PTPRD: variants seen among roughly 807,000 people sequenced by gnomAD.
PTPRD encodes the protein receptor-type tyrosine-protein phosphatase delta.
Under a neutral mutation model 214.5 loss-of-function variants are expected in PTPRD, and 34 were observed. The observed-to-expected ratio is 0.16, with a 90% CI of 0.12 to 0.21. PTPRD has a LOEUF of 0.21. Ranked by LOEUF, PTPRD falls within the 10% of genes least tolerant of loss-of-function variation. The pLI is 1.00. For synonymous variants in PTPRD, 1,128 were observed against 845.7 expected, an observed-to-expected ratio of 1.33 and a Z score of -5.79; for missense variants, 2,545 against 2,398.7, an observed-to-expected ratio of 1.06 and a Z score of -1.27.
intron 9 of PTPRD, among the ~76,000 whole-genome samples, chr9:9,337,893 T>G (rs2045211260): frequency 6.6e-6 from 1 of 152,228 alleles, no homozygotes; most frequent in Admixed American, 6.5e-5. Flanking sequence ...ACAGAGGTTG[T>G]TATGATGTAA....
intron 12 of PTPRD, among the ~76,000 whole-genome samples, chr9:8,654,034 G>A (rs573864475): frequency 1.3e-5 from 2 of 152,224 alleles, no homozygotes; most frequent in Non-Finnish European, 2.9e-5. Flanking sequence ...TTGTTGTAGA[G>A]CCTGTCCTGT....
At chr9:8,894,633 T>C (rs2098591050) in intron 11 of PTPRD, among the ~76,000 whole-genome samples, 1 of 152,182 alleles carries the variant, frequency 6.6e-6, no homozygotes, top group South Asian at 2.1e-4. Flanking sequence ...TTATGAAAAG[T>C]CATTAAACTG....
intron 7 of PTPRD, among the ~76,000 whole-genome samples, chr9:9,664,792 C>T (rs1438695053): frequency 2.0e-5 from 3 of 151,682 alleles, no homozygotes; most frequent in East Asian, 1.9e-4. Context: ...TACTTTCTAC[C>T]TTTGTTGTAT....
At chr9:8,326,535 T>C (rs1051139265) in intron 44 of PTPRD, among the ~76,000 whole-genome samples, 1 of 151,550 alleles carries the variant, frequency 6.6e-6, no homozygotes, top group East Asian at 1.9e-4. Context: ...AATTTTCTTT[T>C]TTGTTGTGTC....
At chr9:10,104,777 A>T (rs2154218674) in intron 3 of PTPRD, among the ~76,000 whole-genome samples, 1 of 152,048 alleles carries the variant, frequency 6.6e-6, no homozygotes, top group East Asian at 1.9e-4. Flanking sequence ...AAATATTTAA[A>T]ATCCAACATG....
At position 10,278,084 on chromosome 9, in the gene PTPRD, T is replaced by C. The variant is rs148203348; in HGVS notation, c.-545+62879A>G. ...CTGAGGCAGGAGAATGGCGTGAACT[T>C]GGGAGGTGGAGCGAAGAGCCGAGAT... On this transcript the variant is annotated intron_variant, in intron 3 of 45. Transcript: ENST00000381196. Among the ~76,000 whole-genome samples, 11 of 151,516 alleles carry C rather than the reference T, an allele frequency of 7.3e-5. No individual in the cohort carries two copies. In the East Asian group the frequency reaches 1.8e-3, roughly 24 times the overall value.
At chr9:9,304,078 C>G (rs1021261913) in intron 9 of PTPRD, among the ~76,000 whole-genome samples, 1 of 152,090 alleles carries the variant, frequency 6.6e-6, no homozygotes, top group Non-Finnish European at 1.5e-5. Context: ...AAAATTGAAG[C>G]AATTAATTCA....
chr9:9,812,216 C>A (rs1184825104), intron 5 of PTPRD, among the ~76,000 whole-genome samples: 2 of 151,844 alleles, frequency 1.3e-5, no homozygotes, highest in African/African-American at 4.8e-5. Context: ...TTATGGGAAA[C>A]CAAAAATTTT....
At chr9:9,018,198 G>T (rs1343387531) in intron 11 of PTPRD, among the ~76,000 whole-genome samples, 1 of 151,894 alleles carries the variant, frequency 6.6e-6, no homozygotes, top group East Asian at 1.9e-4. Flanking sequence ...TCCACTATTG[G>T]GTGGTTGTTG....
At chr9:9,627,124 G>C (rs2095446579) in intron 7 of PTPRD, among the ~76,000 whole-genome samples, 1 of 152,126 alleles carries the variant, frequency 6.6e-6, no homozygotes, top group African/African-American at 2.4e-5. Context: ...GACCAGCCTG[G>C]CCAACATGGT....
chr9:9,273,566 T>G (rs1332720772), intron 9 of PTPRD, among the ~76,000 whole-genome samples: 1 of 151,356 alleles, frequency 6.6e-6, no homozygotes, highest in Non-Finnish European at 1.5e-5. Flanking sequence ...AACAGAGAAC[T>G]GTGAAAACAT....
intron 4 of PTPRD, among the ~76,000 whole-genome samples, chr9:9,967,499 T>C (rs1336979166): frequency 6.6e-6 from 1 of 152,168 alleles, no homozygotes; most frequent in Non-Finnish European, 1.5e-5. Flanking sequence ...GAAACAATTA[T>C]GTATTAGAAG....
intron 4 of PTPRD, among the ~76,000 whole-genome samples, chr9:10,010,657 A>G (rs1037188992): frequency 1.3e-5 from 2 of 151,906 alleles, no homozygotes; most frequent in Non-Finnish European, 2.9e-5. Context: ...TTAGGTCCCA[A>G]CTTCTACTCT....
At chr9:9,258,350 T>C (rs2099978653) in intron 9 of PTPRD, among the ~76,000 whole-genome samples, 1 of 151,914 alleles carries the variant, frequency 6.6e-6, no homozygotes, top group African/African-American at 2.4e-5. Context: ...GATACACATT[T>C]AGAGCTGGCT....
chr9:9,948,205 C>A (rs868863067), intron 4 of PTPRD, among the ~76,000 whole-genome samples: 12 of 152,052 alleles, frequency 7.9e-5, no homozygotes, highest in Non-Finnish European at 1.6e-4. Context: ...ATGAGGCTAT[C>A]CTCCTAAAGC....
chr9:8,476,744 A>T (rs78462427), intron 30 of PTPRD, among the ~76,000 whole-genome samples: 10 of 152,330 alleles, frequency 6.6e-5, no homozygotes, highest in Admixed American at 5.2e-4. Flanking sequence ...TTGCTATTTT[A>T]TCATGGAATT....
chr9:9,046,083 A>C (rs1008971498), intron 10 of PTPRD, among the ~76,000 whole-genome samples: 1 of 152,178 alleles, frequency 6.6e-6, no homozygotes, highest in Non-Finnish European at 1.5e-5. Flanking sequence ...CTCATGCTTT[A>C]TTTTTATGTA....
intron 31 of PTPRD, among the ~76,000 whole-genome samples, chr9:8,467,287 T>C (rs917937222): frequency 1.3e-4 from 20 of 151,916 alleles, no homozygotes; most frequent in African/African-American, 4.3e-4. Context: ...TATGCACCAA[T>C]TGGCCAGTAA....
chr9:10,268,585 T>G (rs1374904393), intron 3 of PTPRD, among the ~76,000 whole-genome samples: 1 of 152,176 alleles, frequency 6.6e-6, no homozygotes, highest in African/African-American at 2.4e-5. Flanking sequence ...TTGATCTTTC[T>G]ATTTCATCAT....
Sources: gnomAD v4.1 joint callset for allele counts (sites outside exome capture counted in the v4.1 genomes callset) on GRCh38, gnomAD v4.1.1 for gene constraint, MANE v1.5 for transcripts, NCBI Gene and HGNC (gene_info 2026-07-23, HGNC 2026-07-21) for gene names.